Variants in CPNE4 observed in about 807,000 individuals in gnomAD.
The protein encoded by CPNE4 is copine 4.
Under a neutral mutation model 67.9 loss-of-function variants are expected in CPNE4, and 25 were observed. The observed-to-expected ratio is 0.37, with a 90% CI of 0.27 to 0.51. The LOEUF (loss-of-function observed/expected upper bound fraction) is 0.51. CPNE4 is among the 20% of genes least tolerant of loss of function. CPNE4 has a pLI of 0.93. For synonymous variants in CPNE4, 242 were observed against 244.9 expected (o/e 0.99, Z 0.11); for missense variants, 464 against 690.8 (o/e 0.67, Z 3.68).
chr3:131,606,691 C>T (rs1445657445), intron 7 of CPNE4, among the ~76,000 whole-genome samples: 1 of 152,146 alleles, frequency 6.6e-6, no homozygotes, highest in Non-Finnish European at 1.5e-5. Context: ...CTTGGCTCCA[C>T]TGGGCAACCA....
intron 3 of CPNE4, 42 bp downstream of exon 3, chr3:131,723,404 C>A: frequency 6.3e-7 from 1 of 1,576,068 alleles, no homozygotes; most frequent in Non-Finnish European, 8.7e-7. Context: ...GAAGAAAGGC[C>A]CTAGGATGGC....
At chr3:131,706,201 T>C (rs990391054) in intron 3 of CPNE4, among the ~76,000 whole-genome samples, 16 of 152,344 alleles carry the variant, frequency 1.1e-4, no homozygotes, top group Admixed American at 1.0e-3. Context: ...TGACCGTTTT[T>C]AAGTGAAAGA....
chr3:131,663,014 A>T (rs2080165976), intron 7 of CPNE4, among the ~76,000 whole-genome samples: 3 of 152,240 alleles, frequency 2.0e-5, no homozygotes, highest in African/African-American at 4.8e-5. Context: ...ATGCACACGT[A>T]TGTTTATCAC....
intron 7 of CPNE4, among the ~76,000 whole-genome samples, chr3:131,652,638 A>T (rs376159328): frequency 6.6e-4 from 100 of 152,334 alleles, no homozygotes; most frequent in African/African-American, 2.4e-3. Flanking sequence ...ACTGAGAAGA[A>T]TATACTGTTA....
At chr3:131,718,511 T>C (rs1346685068) in intron 3 of CPNE4, among the ~76,000 whole-genome samples, 1 of 152,184 alleles carries the variant, frequency 6.6e-6, no homozygotes, top group Non-Finnish European at 1.5e-5. Context: ...TGCTGCTGTG[T>C]CTTTGCGTGT....
chr3:131,602,763 C>T (rs536064509), intron 7 of CPNE4, among the ~76,000 whole-genome samples: 19 of 152,310 alleles, frequency 1.2e-4, no homozygotes, highest in African/African-American at 4.6e-4. Context: ...AGTCATTCTG[C>T]ACTGGTTCAA....
chr3:131,904,883 A>G (rs1262530129), intron 2 of CPNE4, among the ~76,000 whole-genome samples: 1 of 152,110 alleles, frequency 6.6e-6, no homozygotes, highest in African/African-American at 2.4e-5. Context: ...TGCCTTGGCC[A>G]CAAGACTTTG....
intron 1 of CPNE4, among the ~76,000 whole-genome samples, chr3:132,033,405 C>CTG (rs59853721): frequency 0.032 from 4,784 of 150,816 alleles, 126 homozygotes; most frequent in African/African-American, 0.076. Flanking sequence ...GTGTGTGTGT[C>CTG]TGTGTGTGTG....
At chr3:131,929,189 T>A (rs1583467803) in intron 1 of CPNE4, among the ~76,000 whole-genome samples, 1 of 101,094 alleles carries the variant, frequency 9.9e-6, no homozygotes, top group African/African-American at 4.2e-5. Flanking sequence ...CCCCAACTTG[T>A]CCTCACCAAA....
intron 7 of CPNE4, among the ~76,000 whole-genome samples, chr3:131,623,912 C>A (rs1940602900): frequency 6.6e-6 from 1 of 152,174 alleles, no homozygotes; most frequent in South Asian, 2.1e-4. Context: ...TAATGGGTAT[C>A]TATGCTGTAT....
intron 1 of CPNE4, among the ~76,000 whole-genome samples, chr3:132,033,471 G>A (rs911087562): frequency 6.6e-6 from 1 of 152,026 alleles, no homozygotes; most frequent in African/African-American, 2.4e-5. Flanking sequence ...AAGCTTCCCA[G>A]AGCACTCTCG....
intron 7 of CPNE4, among the ~76,000 whole-genome samples, chr3:131,607,140 G>A (rs1939558421): frequency 6.6e-6 from 1 of 151,410 alleles, no homozygotes; most frequent in African/African-American, 2.4e-5. Context: ...AGACTTTTGG[G>A]TGGATCACTT....
chr3:131,766,876 C>T (rs1162270879), intron 2 of CPNE4, among the ~76,000 whole-genome samples: 1 of 152,028 alleles, frequency 6.6e-6, no homozygotes, highest in East Asian at 1.9e-4. Flanking sequence ...TTTTTTCATC[C>T]TGAACATCTG....
intron 2 of CPNE4, among the ~76,000 whole-genome samples, chr3:131,747,361 G>A (rs2082517672): frequency 6.6e-6 from 1 of 151,890 alleles, no homozygotes; most frequent in African/African-American, 2.4e-5. Flanking sequence ...CTATACTGAT[G>A]CAATGGAGTT....
chr3:131,559,585 T>C (rs1401278680), intron 11 of CPNE4, among the ~76,000 whole-genome samples: 1 of 152,026 alleles, frequency 6.6e-6, no homozygotes, highest in Non-Finnish European at 1.5e-5. Flanking sequence ...TTTGAATCTT[T>C]TCATCTTAGA....
intron 1 of CPNE4, among the ~76,000 whole-genome samples, chr3:131,946,306 A>G (rs2071550417): frequency 1.3e-5 from 2 of 152,166 alleles, no homozygotes; most frequent in Admixed American, 1.3e-4. Context: ...TCTTGTACAT[A>G]GCATAATACT....
intron 1 of CPNE4, among the ~76,000 whole-genome samples, chr3:131,999,950 T>A (rs983136380): frequency 3.3e-5 from 5 of 151,934 alleles, no homozygotes; most frequent in Non-Finnish European, 7.4e-5. Flanking sequence ...TCTAGTTAAT[T>A]AAATGATAAA....
chr3:131,663,442 A>T (rs1428759539), intron 7 of CPNE4, among the ~76,000 whole-genome samples: 1 of 152,028 alleles, frequency 6.6e-6, no homozygotes, highest in African/African-American at 2.4e-5. Context: ...ACAAACCTAC[A>T]CATTTTGCAC....
chr3:131,602,571 G>A (rs1939265680), intron 7 of CPNE4, among the ~76,000 whole-genome samples: 1 of 152,112 alleles, frequency 6.6e-6, no homozygotes, highest in Non-Finnish European at 1.5e-5. Context: ...GCTTTGGGAG[G>A]CTTGGTTAGC....
Sources: gnomAD v4.1 joint callset for allele counts (sites outside exome capture counted in the v4.1 genomes callset) on GRCh38, gnomAD v4.1.1 for gene constraint, MANE v1.5 for transcripts, NCBI Gene and HGNC (gene_info 2026-07-23, HGNC 2026-07-21) for gene names.